The following CDH9 variants were observed in gnomAD, a reference collection of about 807,000 sequenced individuals.
CDH9 encodes cadherin 9, also known as cadherin-9.
CDH9 carries 28 observed loss-of-function variants against 70.9 expected under a neutral mutation model. That is an observed-to-expected ratio of 0.40 (90% CI 0.29 to 0.54). The LOEUF is 0.54. CDH9 is among the 20% of genes least tolerant of loss of function. The pLI is 0.59. For missense variants in CDH9, 874 were observed against 984.4 expected, an observed-to-expected ratio of 0.89 and a Z score of 1.50; for synonymous variants, 409 against 343.1, an observed-to-expected ratio of 1.19 and a Z score of -2.12.
At chr5:26,881,644 A>T (rs1173822804) in intron 11 of CDH9, 21 bp from the exon 12 acceptor site, 1 of 1,586,282 alleles carries the variant, frequency 6.3e-7, no homozygotes, top group Non-Finnish European at 8.5e-7. Context: ...GAAATGGGAA[A>T]ATAGTGAGAT....
intron 2 of CDH9, among the ~76,000 whole-genome samples, chr5:26,950,669 A>C (rs1741829407): frequency 6.6e-6 from 1 of 152,242 alleles, no homozygotes; most frequent in African/African-American, 2.4e-5. Flanking sequence ...TACTGACATC[A>C]ACATACATAG....
At chr5:27,019,432 T>C (rs1157628970) in intron 1 of CDH9, among the ~76,000 whole-genome samples, 1 of 152,038 alleles carries the variant, frequency 6.6e-6, no homozygotes, top group Non-Finnish European at 1.5e-5. Context: ...TTAACACATT[T>C]TATAACCTAG....
chr5:26,994,025 C>T (rs1351446185), intron 1 of CDH9, among the ~76,000 whole-genome samples: 1 of 152,176 alleles, frequency 6.6e-6, no homozygotes, highest in Non-Finnish European at 1.5e-5. Flanking sequence ...TTGGACCTGT[C>T]ATCCTTTCCT....
intron 1 of CDH9, among the ~76,000 whole-genome samples, chr5:27,004,454 C>T (rs1028372311): frequency 3.3e-5 from 5 of 151,978 alleles, no homozygotes; most frequent in African/African-American, 4.8e-5. Flanking sequence ...AAGAGGATCA[C>T]GACATAACTT....
At chr5:27,015,631 T>G (rs957347151) in intron 1 of CDH9, among the ~76,000 whole-genome samples, 3 of 151,590 alleles carry the variant, frequency 2.0e-5, no homozygotes, top group Non-Finnish European at 4.4e-5. Context: ...TAAATATAAA[T>G]TATAAAATAT....
intron 2 of CDH9, among the ~76,000 whole-genome samples, chr5:26,934,441 G>C (rs777109652): frequency 6.6e-6 from 1 of 151,980 alleles, no homozygotes. Flanking sequence ...CTCTAGCCTC[G>C]GCTACAGAAC....
At chr5:26,937,196 T>C (rs865875865) in intron 2 of CDH9, among the ~76,000 whole-genome samples, 1 of 152,044 alleles carries the variant, frequency 6.6e-6, no homozygotes, top group South Asian at 2.1e-4. Context: ...AATAGCCCAA[T>C]TAGAAAATGG....
At position 26,881,542 on chromosome 5, in the gene CDH9, T is replaced by C. The variant is rs1286462514; in HGVS notation, c.1964A>G (p.Asn655Ser). The C allele has an allele frequency of 6.2e-7, 1 of 1,613,684 alleles. No individual in the cohort carries two copies. Among genetic ancestry groups the C allele is most frequent in the Non-Finnish European group, 8.5e-7 (1 of 1,179,800 alleles). ...GCCTTCATCGTTGTAGGTCACAATGTTGTCCCGGACATCGTCTTTTGAAAT... is the reference window on the plus strand; with the variant it reads ...GCCTTCATCGTTGTAGGTCACAATGCTGTCCCGGACATCGTCTTTTGAAAT... ...LIISKDDVRD[N>S]IVTYNDEGGG... The change falls in exon 12 of 12, where the codon AAC becomes AGC. Residue 655 changes from asparagine to serine, a missense_variant. Transcript: ENST00000231021.
intron 1 of CDH9, among the ~76,000 whole-genome samples, chr5:27,023,608 T>C (rs1743175414): frequency 6.6e-6 from 1 of 152,106 alleles, no homozygotes. Context: ...GGTGTTGGTA[T>C]TCTTACCTGT....
intron 1 of CDH9, among the ~76,000 whole-genome samples, chr5:26,997,724 T>C (rs62344098): frequency 0.49 from 73,984 of 151,058 alleles, 19,099 homozygotes; most frequent in African/African-American, 0.58. Flanking sequence ...TTTTTTGAGA[T>C]GGAATCCACT....
intron 1 of CDH9, among the ~76,000 whole-genome samples, chr5:26,995,611 C>T (rs1431001596): frequency 6.6e-6 from 1 of 152,062 alleles, no homozygotes; most frequent in Non-Finnish European, 1.5e-5. Flanking sequence ...GTACATTCCT[C>T]TGCTTTTGGA....
chr5:26,886,519 CAAT>C lies in CDH9; in HGVS notation c.1513-439_1513-437del, dbSNP rs1330252532. 2.6e-5 allele frequency among the ~76,000 whole-genome samples: 4 copies of C among 151,990 alleles called. No homozygotes were observed. The East Asian group carries it at 7.7e-4, about 29-fold the overall frequency. ...TTTTTAAAAACACCAATGCTTAGCA[CAAT>C]CCCTCCTATATATTAACAATATTAT... is the stretch of plus-strand genomic sequence containing the variant. On this transcript the variant is annotated intron_variant, in intron 9 of 11. Transcript: ENST00000231021.
chr5:26,935,840 C>T (rs1316664485), intron 2 of CDH9, among the ~76,000 whole-genome samples: 2 of 152,078 alleles, frequency 1.3e-5, no homozygotes, highest in African/African-American at 4.8e-5. Flanking sequence ...AATTGCAAAA[C>T]TATGGAACCA....
chr5:26,977,896 A>G (rs758866354), intron 2 of CDH9, among the ~76,000 whole-genome samples: 8 of 152,104 alleles, frequency 5.3e-5, no homozygotes, highest in Non-Finnish European at 1.2e-4. Context: ...TTTTCAGTGA[A>G]ACATTAGTAG....
Position 26,885,808 on chromosome 5 carries a change from G to T in CDH9, c.1688C>A (p.Thr563Asn). The T allele has an allele frequency of 6.2e-7, 1 of 1,613,642 alleles. No homozygotes were observed. The change falls in exon 11 of 12, where the codon ACC becomes AAC. Residue 563 changes from threonine (T) to asparagine (N), a missense_variant. Physicochemically the swap from Thr to Asn is moderately conservative, Grantham distance 65. Transcript: ENST00000231021. ...KDGYSRNKMS[T>N]YLLPILIFDN... ...AAAGATTAAAATCGGCAATAAGTAG[G>T]TGCTCATTTTGTTGCGACTGTAGCC...
rs139138169 is a variant in CDH9 at position 26,948,161 on chromosome 5, T to C, written c.229-32237A>G. On this transcript the variant is annotated intron_variant, in intron 2 of 11. Coordinates refer to ENST00000231021, the MANE Select transcript of CDH9 (RefSeq NM_016279.4). ...TTAAAGTCCAAACAGTCTACATGTATCCTTAATGTAGATTGTTTATGAATG... is the reference window on the plus strand; with the variant it reads ...TTAAAGTCCAAACAGTCTACATGTACCCTTAATGTAGATTGTTTATGAATG... Among the ~76,000 whole-genome samples the C allele has an allele frequency of 7.0e-4, 106 of 152,264 alleles. No homozygotes were observed. The East Asian group carries it at 0.019, about 28-fold the overall frequency.
chr5:26,984,518 T>C (rs1193053302), intron 2 of CDH9, among the ~76,000 whole-genome samples: 2 of 152,140 alleles, frequency 1.3e-5, no homozygotes, highest in African/African-American at 2.4e-5. Context: ...TCATTACTAA[T>C]TGGGATATAG....
intron 1 of CDH9, among the ~76,000 whole-genome samples, chr5:27,009,931 T>C (rs2112114115): frequency 6.6e-6 from 1 of 152,224 alleles, no homozygotes; most frequent in South Asian, 2.1e-4. Context: ...CTTGGCCTTA[T>C]TGAGCTTTGT....
chr5:26,884,375 T>G (rs1740524883), intron 11 of CDH9, among the ~76,000 whole-genome samples: 1 of 152,148 alleles, frequency 6.6e-6, no homozygotes, highest in Admixed American at 6.6e-5. Flanking sequence ...TTACATGTTG[T>G]TCTAAATTAG....
Sources: allele counts gnomAD v4.1 joint callset (sites outside exome capture counted in the v4.1 genomes callset), GRCh38; gene constraint gnomAD v4.1.1; transcripts MANE v1.5; gene names NCBI Gene and HGNC (gene_info 2026-07-23, HGNC 2026-07-21).